The following NLGN1 variants were observed in gnomAD, a reference collection of about 807,000 sequenced individuals.
The protein encoded by NLGN1 is neuroligin-1.
NLGN1 carries 12 observed loss-of-function variants against 65.5 expected under a neutral mutation model. That is an observed-to-expected ratio of 0.18 (90% CI 0.12 to 0.30). NLGN1 has a LOEUF of 0.30. NLGN1 is among the 10% of genes least tolerant of loss of function. NLGN1 has a pLI of 1.00. For missense variants in NLGN1, 750 were observed against 1,007.1 expected (o/e 0.74, Z 3.46); for synonymous variants, 350 against 359.5 (o/e 0.97, Z 0.30).
exon 7 of NLGN1, chr3:174,283,275 A>G (rs369626943): frequency 4.6e-5 from 7 of 151,624 alleles, no homozygotes; most frequent in African/African-American, 1.7e-4. Context: ...GGCAAGTCTC[A>G]TCTAAGATGA....
intron 2 of NLGN1, among the ~76,000 whole-genome samples, chr3:173,573,002 T>C (rs1221958265): frequency 6.6e-6 from 1 of 152,154 alleles, no homozygotes; most frequent in Non-Finnish European, 1.5e-5. Context: ...GCTGGGAGCA[T>C]CCCATCACTA....
At position 173,994,465 on chromosome 3, in the gene NLGN1, C is replaced by CAAA. The variant is rs1170577220; in HGVS notation, c.646+186658_646+186660dup. Among the ~76,000 whole-genome samples, 282 of 32,890 alleles carry CAAA rather than the reference C, an allele frequency of 8.6e-3. 1 individual carries two copies. The highest frequency in any genetic ancestry group is 9.4e-3 in the Non-Finnish European group (173 of 18,428). The allele number at this position is 32,890 out of a possible 152,430, so 21.6% of individuals were successfully genotyped here. A position where few individuals can be genotyped will look rare whatever the true frequency, so the allele number is the denominator to read the frequency against. On this transcript the variant is annotated intron_variant, in intron 4 of 6. Coordinates refer to ENST00000457714, the Ensembl canonical transcript of NLGN1. ...TTTTTTATTTTAACCTTGAGAAAAG[C>CAAA]AAAAAAAAAAAAAAAAAAAAAAAAA...
intron 4 of NLGN1, among the ~76,000 whole-genome samples, chr3:173,898,360 T>G (rs1317775415): frequency 6.6e-6 from 1 of 152,228 alleles, no homozygotes; most frequent in East Asian, 1.9e-4. Flanking sequence ...AGTGAGGTGC[T>G]GAAGCCAGCT....
chr3:173,556,912 G>T (rs1298329984), intron 2 of NLGN1, among the ~76,000 whole-genome samples: 1 of 152,068 alleles, frequency 6.6e-6, no homozygotes, highest in Non-Finnish European at 1.5e-5. Flanking sequence ...TTTTGCCCCA[G>T]ATTATGGTAT....
rs139481591 is a variant in NLGN1 at position 173,944,645 on chromosome 3, C to T, written c.646+136813C>T. On this transcript the variant is annotated intron_variant, in intron 4 of 6. Coordinates refer to ENST00000457714, the Ensembl canonical transcript of NLGN1. Reference sequence around the variant, plus strand: ...CAAGTCTCTTAATAACTTCTCCTATCATCAACTCAGGTTCAACTGGAAAGT... The same window carrying T: ...CAAGTCTCTTAATAACTTCTCCTATTATCAACTCAGGTTCAACTGGAAAGT... Among the ~76,000 whole-genome samples, 237 of 152,298 alleles carry T rather than the reference C, an allele frequency of 1.6e-3. 1 individual carries two copies. Among genetic ancestry groups the T allele is most frequent in the Middle Eastern group, 0.01 (3 of 294 alleles).
chr3:173,806,500 TAA>T, intron 3 of NLGN1, among the ~76,000 whole-genome samples: 1 of 152,240 alleles, frequency 6.6e-6, no homozygotes, highest in Admixed American at 6.5e-5. Flanking sequence ...TAAAAAAAGA[TAA>T]TACATTTGAT....
intron 4 of NLGN1, among the ~76,000 whole-genome samples, chr3:174,129,223 A>G (rs1719610156): frequency 6.6e-6 from 1 of 151,946 alleles, no homozygotes; most frequent in Non-Finnish European, 1.5e-5. Flanking sequence ...AGAAGTGTTG[A>G]GGCCCAAACG....
At chr3:174,175,668 A>T (rs989638047) in intron 4 of NLGN1, among the ~76,000 whole-genome samples, 1 of 152,068 alleles carries the variant, frequency 6.6e-6, no homozygotes, top group Admixed American at 6.6e-5. Context: ...GTGCTATAGC[A>T]TTTATAAAGT....
At chr3:173,755,488 T>C (rs890737498) in intron 3 of NLGN1, among the ~76,000 whole-genome samples, 10 of 152,068 alleles carry the variant, frequency 6.6e-5, no homozygotes, top group African/African-American at 2.4e-4. Flanking sequence ...ATTTGACATG[T>C]TGTAGGTTCT....
intron 4 of NLGN1, among the ~76,000 whole-genome samples, chr3:174,085,848 A>G (rs1165169315): frequency 6.6e-6 from 1 of 152,030 alleles, no homozygotes; most frequent in Non-Finnish European, 1.5e-5. Flanking sequence ...CTTTTCACAT[A>G]TTAGGCTGGT....
intron 4 of NLGN1, among the ~76,000 whole-genome samples, chr3:173,942,126 G>A (rs1438564604): frequency 6.6e-6 from 1 of 150,654 alleles, no homozygotes; most frequent in East Asian, 1.9e-4. Context: ...GTGTGTGTGT[G>A]TGTGTGTGTG....
At chr3:174,041,473 A>G (rs1457013349) in intron 4 of NLGN1, among the ~76,000 whole-genome samples, 1 of 152,188 alleles carries the variant, frequency 6.6e-6, no homozygotes, top group African/African-American at 2.4e-5. Flanking sequence ...TTGTGAATAC[A>G]TATTTTTAAA....
At chr3:173,808,560 A>G (rs895420240) in intron 4 of NLGN1, among the ~76,000 whole-genome samples, 1 of 152,168 alleles carries the variant, frequency 6.6e-6, no homozygotes, top group African/African-American at 2.4e-5. Context: ...CTATTCTAGC[A>G]TATATTTGTT....
intron 4 of NLGN1, among the ~76,000 whole-genome samples, chr3:174,250,946 C>T (rs950217484): frequency 2.6e-5 from 4 of 151,928 alleles, no homozygotes; most frequent in Non-Finnish European, 4.4e-5. Context: ...ATGACTACAC[C>T]AGCTTAGCCT....
intron 2 of NLGN1, among the ~76,000 whole-genome samples, chr3:173,518,008 G>C (rs182473572): frequency 2.0e-5 from 3 of 152,134 alleles, no homozygotes; most frequent in Non-Finnish European, 2.9e-5. Context: ...CATGAGAAAA[G>C]CCTTTAAATG....
intron 3 of NLGN1, among the ~76,000 whole-genome samples, chr3:173,620,423 T>G (rs1753807985): frequency 6.6e-6 from 1 of 152,046 alleles, no homozygotes. Context: ...TGTCCTTACT[T>G]CCCCTAACCA....
At chr3:173,843,194 A>G (rs1231958817) in intron 4 of NLGN1, among the ~76,000 whole-genome samples, 1 of 152,206 alleles carries the variant, frequency 6.6e-6, no homozygotes, top group Admixed American at 6.5e-5. Context: ...CCAAGTCCTT[A>G]GGCTGCACAC....
chr3:174,006,256 A>G (rs1724374756), intron 4 of NLGN1, among the ~76,000 whole-genome samples: 1 of 152,166 alleles, frequency 6.6e-6, no homozygotes. Flanking sequence ...TTCTATTTGT[A>G]TTCTTTTCCA....
At chr3:174,277,702 T>A (rs184106850) in intron 5 of NLGN1, among the ~76,000 whole-genome samples, 6 of 152,064 alleles carry the variant, frequency 3.9e-5, no homozygotes, top group Non-Finnish European at 7.4e-5. Flanking sequence ...TAGATTTTTT[T>A]AATATCTTCA....
Sources: gnomAD v4.1 joint callset for allele counts (sites outside exome capture counted in the v4.1 genomes callset) on GRCh38, gnomAD v4.1.1 for gene constraint, MANE v1.5 for transcripts, NCBI Gene and HGNC (gene_info 2026-07-23, HGNC 2026-07-21) for gene names.